Variants in LRCH3 observed in about 807,000 individuals in gnomAD.
The protein encoded by LRCH3 is leucine rich repeats and calponin homology domain containing 3.
A neutral mutation model predicts 104.5 loss-of-function variants in LRCH3; 68 were observed. The ratio of observed to expected loss-of-function variants is 0.65; its 90% CI spans 0.54 to 0.80. LRCH3 has a LOEUF of 0.80. Among genes scored for constraint, LRCH3 ranks in the 30% least tolerant of loss-of-function variants. The pLI, the probability that LRCH3 is intolerant of heterozygous loss-of-function variation, is 0.00. For missense variants in LRCH3, 951 were observed against 953.9 expected, an observed-to-expected ratio of 1.00 and a Z score of 0.04; for synonymous variants, 344 against 361.3, an observed-to-expected ratio of 0.95 and a Z score of 0.54.
chr3:197,862,044 G>A (rs566604124), intron 15 of LRCH3, among the ~76,000 whole-genome samples: 1 of 152,266 alleles, frequency 6.6e-6, no homozygotes, highest in South Asian at 2.1e-4. Context: ...GCTCAGGCTG[G>A]AGTGCAGTGG....
intron 3 of LRCH3, 28 bp downstream of exon 3, chr3:197,817,330 ATGTGTGTGTGTGTGTC>A (rs1262857513): frequency 1.6e-6 from 2 of 1,278,134 alleles, no homozygotes; most frequent in African/African-American, 1.9e-5. Flanking sequence ...ATTGTCCAAC[ATGTGTGTGTGTGTGTC>A]TGTGTGTGTG....
Position 197,817,360 on chromosome 3 carries a change from G to GTATATATATATATATATATATA in LRCH3, c.534+77_534+78insATATATATATATATATATATAT, listed in dbSNP as rs58866690. 168 of 89,890 alleles carry GTATATATATATATATATATATA rather than the reference G, an allele frequency of 1.9e-3. 6 individuals are homozygous for GTATATATATATATATATATATA. Among genetic ancestry groups the GTATATATATATATATATATATA allele is most frequent in the African/African-American group, 0.013 (154 of 11,690 alleles). The allele number at this position is 89,890 out of a possible 1,614,324, so 5.6% of individuals were successfully genotyped here. A position where few individuals can be genotyped will look rare whatever the true frequency, so the allele number is the denominator to read the frequency against. The stretch of plus-strand genomic sequence containing the variant: ...TGTGTGTGTGTCTGTGTGTGTGTGT[G>GTATATATATATATATATATATA]TATATATATATATATATATGAAACC... On this transcript the variant is annotated intron_variant, in intron 3 of 20. Coordinates refer to ENST00000425562, the MANE Select transcript of LRCH3 (RefSeq NM_001365715.1).
intron 1 of LRCH3, among the ~76,000 whole-genome samples, chr3:197,799,190 C>T (rs1394072228): frequency 6.6e-6 from 1 of 152,114 alleles, no homozygotes; most frequent in Non-Finnish European, 1.5e-5. Flanking sequence ...TATTTGGGAG[C>T]TGGATGGTTA....
At chr3:197,829,423 ATTAG>A (rs1735635868) in intron 5 of LRCH3, 137 bp from the exon 6 acceptor site, 1 of 477,652 alleles carries the variant, frequency 2.1e-6, no homozygotes, top group East Asian at 3.2e-5. Context: ...AATATAATTT[ATTAG>A]TTTTTAAATA....
chr3:197,823,402 G>A (rs540056117), intron 4 of LRCH3: 2 of 151,666 alleles, frequency 1.3e-5, no homozygotes, highest in Non-Finnish European at 2.9e-5. Context: ...GCCCAGCCAA[G>A]AATCTTAAAT....
At chr3:197,815,939 C>G (rs1175919159) in intron 2 of LRCH3, among the ~76,000 whole-genome samples, 1 of 152,242 alleles carries the variant, frequency 6.6e-6, no homozygotes, top group African/African-American at 2.4e-5. Context: ...GAGTTTTCCT[C>G]TTATCATGAA....
At chr3:197,875,967 A>G in intron 20 of LRCH3, 192 bp downstream of exon 20, 1 of 424,290 alleles carries the variant, frequency 2.4e-6, no homozygotes, top group Non-Finnish European at 4.1e-6. Flanking sequence ...CACACAAAGA[A>G]ATTATAAATA....
chr3:197,804,589 A>G (rs1255175324), intron 1 of LRCH3, among the ~76,000 whole-genome samples: 1 of 152,172 alleles, frequency 6.6e-6, no homozygotes, highest in African/African-American at 2.4e-5. Flanking sequence ...CAAAATTGTT[A>G]TACCAGAAAC....
chr3:197,793,602 A>C (rs574805216), intron 1 of LRCH3, among the ~76,000 whole-genome samples: 1 of 152,324 alleles, frequency 6.6e-6, no homozygotes, highest in East Asian at 1.9e-4. Context: ...TGAGTCCTTA[A>C]ATATTTTATT....
chr3:197,843,810 C>G (rs1005226822), intron 10 of LRCH3, among the ~76,000 whole-genome samples: 20 of 152,174 alleles, frequency 1.3e-4, no homozygotes, highest in Non-Finnish European at 2.8e-4. Context: ...ATATTCCACA[C>G]TTTTTCGGGA....
chr3:197,812,604 C>CAT (rs1288483347), intron 1 of LRCH3, among the ~76,000 whole-genome samples: 1 of 144,622 alleles, frequency 6.9e-6, no homozygotes, highest in Non-Finnish European at 1.5e-5. Context: ...CAAGCTGGAT[C>CAT]ATATGGTGGC....
intron 1 of LRCH3, among the ~76,000 whole-genome samples, chr3:197,793,411 A>G (rs1730852793): frequency 6.6e-6 from 1 of 152,184 alleles, no homozygotes; most frequent in African/African-American, 2.4e-5. Flanking sequence ...TAAAATTATC[A>G]TTCACACCTC....
chr3:197,876,783 T>C (rs771814584), intron 20 of LRCH3, among the ~76,000 whole-genome samples: 1 of 152,148 alleles, frequency 6.6e-6, no homozygotes, highest in Non-Finnish European at 1.5e-5. Flanking sequence ...CAGAGTTTGG[T>C]TCCTGTTCCT....
At chr3:197,812,504 G>GTTTTTTTTGTTT in intron 1 of LRCH3, among the ~76,000 whole-genome samples, 1 of 48,956 alleles carries the variant, frequency 2.0e-5, no homozygotes, top group Non-Finnish European at 3.5e-5. Context: ...TCTGCTTTCA[G>GTTTTTTTTGTTT]TTTTTTTTTT....
chr3:197,847,687 C>G (rs1457057745), intron 11 of LRCH3, among the ~76,000 whole-genome samples, 185 bp from the exon 12 acceptor site: 2 of 792 alleles, frequency 2.5e-3, no homozygotes, highest in Non-Finnish European at 5.5e-3. Context: ...GGTGCACCAA[C>G]CTAATACATA....
At position 197,825,701 on chromosome 3, in the gene LRCH3, G is replaced by C. The variant is rs113113033; in HGVS notation, c.641-1177G>C. ...TCACCGTGTTAGCCAGGATGGTCTC[G>C]ATCTCCTGACCTCGTGATCCGCCTG... On this transcript the variant is annotated intron_variant, in intron 4 of 20. Coordinates refer to ENST00000425562, the MANE Select transcript of LRCH3 (RefSeq NM_001365715.1). Among the ~76,000 whole-genome samples, 607 of 151,494 alleles carry C rather than the reference G, an allele frequency of 4.0e-3. 5 individuals are homozygous for C. Among genetic ancestry groups the C allele is most frequent in the African/African-American group, 0.014 (583 of 41,304 alleles).
At chr3:197,816,867 C>G (rs1733861253) in intron 2 of LRCH3, among the ~76,000 whole-genome samples, 1 of 152,056 alleles carries the variant, frequency 6.6e-6, no homozygotes, top group Non-Finnish European at 1.5e-5. Flanking sequence ...TAAAATAATA[C>G]TATGTTTATG....
intron 1 of LRCH3, among the ~76,000 whole-genome samples, chr3:197,802,834 T>C (rs1473966208): frequency 6.6e-6 from 1 of 152,238 alleles, no homozygotes; most frequent in Non-Finnish European, 1.5e-5. Flanking sequence ...AAAGAAGTGA[T>C]TGAGAGCCTG....
intron 1 of LRCH3, among the ~76,000 whole-genome samples, chr3:197,812,963 A>T (rs1004591932): frequency 6.6e-6 from 1 of 152,192 alleles, no homozygotes; most frequent in African/African-American, 2.4e-5. Flanking sequence ...ATTCTTTTCC[A>T]CAGTGGCTGT....
Sources: gnomAD v4.1 joint callset for allele counts (sites outside exome capture counted in the v4.1 genomes callset) on GRCh38, gnomAD v4.1.1 for gene constraint, MANE v1.5 for transcripts, NCBI Gene and HGNC (gene_info 2026-07-23, HGNC 2026-07-21) for gene names.